The following MAML3 variants were observed in gnomAD, a reference collection of about 807,000 sequenced individuals.
The protein encoded by MAML3 is mastermind-like protein 3.
MAML3 carries 27 observed loss-of-function variants against 101.9 expected under a neutral mutation model. The ratio of observed to expected loss-of-function variants is 0.27; its 90% CI spans 0.20 to 0.37. The LOEUF is 0.37. MAML3 is among the 10% of genes least tolerant of loss of function. The probability of loss-of-function intolerance (pLI) is 1.00; values close to 1 mark genes in which losing one functional copy is unlikely to be tolerated. For missense variants in MAML3, 1,316 were observed against 1,444.9 expected (o/e 0.91, Z 1.45); for synonymous variants, 501 against 555.9 (o/e 0.90, Z 1.39).
intron 2 of MAML3, among the ~76,000 whole-genome samples, chr4:139,763,729 C>A (rs1019668900): frequency 5.3e-5 from 8 of 152,156 alleles, no homozygotes; most frequent in Admixed American, 3.3e-4. Flanking sequence ...CAGGAAATAT[C>A]TGGAGTCACA....
At chr4:139,886,715 G>A (rs1437772381) in intron 2 of MAML3, among the ~76,000 whole-genome samples, 1 of 151,958 alleles carries the variant, frequency 6.6e-6, no homozygotes, top group Non-Finnish European at 1.5e-5. Context: ...AACACCATGA[G>A]CATAATCTTT....
At chr4:139,892,220 T>C (rs774195623) in intron 1 of MAML3, among the ~76,000 whole-genome samples, 3 of 152,240 alleles carry the variant, frequency 2.0e-5, no homozygotes, top group African/African-American at 4.8e-5. Flanking sequence ...GGATATTTCA[T>C]GGACATCTAA....
chr4:139,731,697 T>C (rs1462484642), intron 2 of MAML3, among the ~76,000 whole-genome samples: 1 of 152,162 alleles, frequency 6.6e-6, no homozygotes, highest in Non-Finnish European at 1.5e-5. Flanking sequence ...TCTATAATTA[T>C]ATGTCAGCCA....
Position 139,721,851 on chromosome 4 carries a change from C to A in MAML3, c.2417-1528G>T, listed in dbSNP as rs529254465. 2.0e-5 allele frequency among the ~76,000 whole-genome samples: 3 copies of A among 152,238 alleles called. No individual in the cohort carries two copies. In the East Asian group the frequency reaches 5.8e-4, roughly 29 times the overall value. On this transcript the variant is annotated intron_variant, in intron 4 of 4. Transcript: ENST00000509479. ...AAACACTGGAAGGTAGTATATACTGCAACTTGTAATATTGTCATGCAGTTT... is the reference window on the plus strand; with the variant it reads ...AAACACTGGAAGGTAGTATATACTGAAACTTGTAATATTGTCATGCAGTTT...
At chr4:139,927,941 T>A (rs1733298541) in intron 1 of MAML3, among the ~76,000 whole-genome samples, 1 of 152,242 alleles carries the variant, frequency 6.6e-6, no homozygotes, top group Admixed American at 6.5e-5. Flanking sequence ...ATACAGGTGC[T>A]GAGTGAGCTT....
chr4:140,153,038 T>C lies in MAML3; in HGVS notation c.290A>G (p.Gln97Arg). Residue 97 changes from glutamine to arginine, a missense_variant, in exon 1 of 5, where the codon CAG becomes CGG. Transcript: ENST00000509479. ...HHVNCENRYQ[Q>R]AQVEQLELER... is the part of the protein sequence containing the mutation. Reference sequence around the variant, plus strand: ...CAGCTCCAGCTGCTCCACCTGAGCCTGCTGGTACCTGTTCTCGCAGTTGAC... The same window carrying C: ...CAGCTCCAGCTGCTCCACCTGAGCCCGCTGGTACCTGTTCTCGCAGTTGAC... 1 of 1,589,158 alleles carries C rather than the reference T, an allele frequency of 6.3e-7. No homozygotes were observed. Among genetic ancestry groups the C allele is most frequent in the Non-Finnish European group, 8.6e-7 (1 of 1,167,678 alleles).
rs1384188419 is a variant in MAML3, at chr4:139,889,759, G to A, written c.1677C>T (p.Asn559=). The change falls in exon 2 of 5, where the codon AAC becomes AAT. Residue 559 remains asparagine, a synonymous_variant. Transcript: ENST00000509479. ...TATTCATTGTTGTCTTCTGCAGGTT[G>A]TTTGCCATTGGAGGCACTATAGGGT... The part of the protein sequence containing the change: ...NQNPIVPPMA[N]NLQKTTMNNY... The A allele has an allele frequency of 6.2e-7, 1 of 1,613,924 alleles. No homozygotes were observed. The highest frequency in any genetic ancestry group is 8.5e-7 in the Non-Finnish European group (1 of 1,179,906).
intron 1 of MAML3, among the ~76,000 whole-genome samples, chr4:140,092,022 T>C (rs914101196): frequency 4.0e-5 from 6 of 149,820 alleles, no homozygotes; most frequent in African/African-American, 1.5e-4. Flanking sequence ...TGTTGTCCAT[T>C]GCTCTATCTA....
intron 1 of MAML3, among the ~76,000 whole-genome samples, chr4:139,992,751 G>A: frequency 6.6e-6 from 1 of 152,038 alleles, no homozygotes; most frequent in Non-Finnish European, 1.5e-5. Flanking sequence ...TAGAGACGGG[G>A]TTTCACCATG....
chr4:140,129,924 C>T lies in MAML3; in HGVS notation c.468+22936G>A, dbSNP rs576575170. On this transcript the variant is annotated intron_variant, in intron 1 of 4. Transcript: ENST00000509479. ...AGGTTTCAGTGAGCCAAGATTGTGCCACTGCACTCCAGCCTGGGTGACCTG... is the reference window on the plus strand; with the variant it reads ...AGGTTTCAGTGAGCCAAGATTGTGCTACTGCACTCCAGCCTGGGTGACCTG... Among the ~76,000 whole-genome samples the T allele has an allele frequency of 4.5e-3, 672 of 150,736 alleles. 4 individuals carry two copies. Among genetic ancestry groups the T allele is most frequent in the African/African-American group, 0.015 (634 of 40,918 alleles).
At chr4:139,963,750 T>C (rs1734069102) in intron 1 of MAML3, among the ~76,000 whole-genome samples, 1 of 152,254 alleles carries the variant, frequency 6.6e-6, no homozygotes, top group Admixed American at 6.5e-5. Context: ...TTATTTGGAC[T>C]CTATGTTTCC....
intron 1 of MAML3, among the ~76,000 whole-genome samples, chr4:139,991,947 C>T (rs1226232997): frequency 6.6e-6 from 1 of 152,184 alleles, no homozygotes; most frequent in Non-Finnish European, 1.5e-5. Flanking sequence ...ATCATCACCA[C>T]AATCCAGTTT....
At position 139,720,166 on chromosome 4, in the gene MAML3, C is replaced by T. The variant is rs1475896431; in HGVS notation, c.2574G>A (p.Leu858=). The stretch of plus-strand genomic sequence containing the variant: ...TGGTAGGCGTGGTGCTATAAGGGGC[C>T]AGTCCCATCTCCGACTGCGCAGCTG... ...ATAAAQSEMG[L]APYSTTPTSQ... Residue 858 remains leucine (L), a synonymous_variant, in exon 5 of 5, where the codon CTG becomes CTA. Coordinates refer to ENST00000509479, the MANE Select transcript of MAML3 (RefSeq NM_018717.5). 1 of 1,614,058 alleles carries T rather than the reference C, an allele frequency of 6.2e-7. No individual in the cohort carries two copies. The highest frequency in any genetic ancestry group is 1.7e-5 in the Admixed American group (1 of 60,030).
intron 1 of MAML3, among the ~76,000 whole-genome samples, chr4:140,123,575 C>T (rs188467041): frequency 1.3e-3 from 202 of 152,196 alleles, no homozygotes; most frequent in African/African-American, 3.9e-3. Context: ...AAGTCTGATC[C>T]GTCCAGAGGG....
At chr4:139,861,419 T>C (rs1322433244) in intron 2 of MAML3, among the ~76,000 whole-genome samples, 1 of 151,644 alleles carries the variant, frequency 6.6e-6, no homozygotes, top group Non-Finnish European at 1.5e-5. Flanking sequence ...TACCCCAACA[T>C]ATCCTATCAC....
intron 1 of MAML3, among the ~76,000 whole-genome samples, chr4:139,922,858 A>T (rs1275275347): frequency 6.6e-6 from 1 of 152,204 alleles, no homozygotes; most frequent in Non-Finnish European, 1.5e-5. Context: ...AAGATGGAGC[A>T]GAGGGCTGCT....
chr4:139,791,287 A>G (rs960440949), intron 2 of MAML3, among the ~76,000 whole-genome samples: 1 of 152,184 alleles, frequency 6.6e-6, no homozygotes, highest in Non-Finnish European at 1.5e-5. Context: ...ACTTGAGGTC[A>G]GGAGTTTGAG....
chr4:139,754,681 C>A (rs1246398314), intron 2 of MAML3, among the ~76,000 whole-genome samples: 1 of 151,962 alleles, frequency 6.6e-6, no homozygotes. Context: ...TATCAAATAC[C>A]CTCTGGAAAG....
intron 1 of MAML3, among the ~76,000 whole-genome samples, chr4:139,892,688 G>A (rs1370837276): frequency 6.6e-6 from 1 of 151,888 alleles, no homozygotes; most frequent in Non-Finnish European, 1.5e-5. Context: ...TCCAAATCGG[G>A]GCCGGGAGCG....
Sources: gnomAD v4.1 joint callset for allele counts (sites outside exome capture counted in the v4.1 genomes callset) on GRCh38, gnomAD v4.1.1 for gene constraint, MANE v1.5 for transcripts, NCBI Gene and HGNC (gene_info 2026-07-23, HGNC 2026-07-21) for gene names.